Variants in TAFA2 observed in about 807,000 individuals in gnomAD.
The protein encoded by TAFA2 is chemokine-like protein TAFA-2.
TAFA2 carries 7 observed loss-of-function variants against 18.8 expected under a neutral mutation model. That is an observed-to-expected ratio of 0.37 (90% CI 0.21 to 0.70). TAFA2 has a LOEUF of 0.70. Ranked by LOEUF, TAFA2 falls within the 30% of genes least tolerant of loss-of-function variation. TAFA2 has a pLI of 0.53. For missense variants in TAFA2, 122 were observed against 158.1 expected (o/e 0.77, Z 1.23); for synonymous variants, 60 against 54.2 (o/e 1.11, Z -0.47).
chr12:61,884,982 C>G (rs1260718716), intron 1 of TAFA2, among the ~76,000 whole-genome samples: 2 of 152,146 alleles, frequency 1.3e-5, no homozygotes, highest in African/African-American at 4.8e-5. Flanking sequence ...ACAATACTTG[C>G]TAAATAAACT....
chr12:62,197,212 G>A (rs116181779), upstream of TAFA2, among the ~76,000 whole-genome samples: 1,509 of 152,286 alleles, frequency 9.9e-3, 29 homozygotes, highest in African/African-American at 0.034. Context: ...CCATGAAACC[G>A]GTCCCTGGTG....
intron 1 of TAFA2, among the ~76,000 whole-genome samples, chr12:62,072,672 G>A (rs1425154823): frequency 3.9e-5 from 6 of 152,052 alleles, no homozygotes; most frequent in Non-Finnish European, 8.8e-5. Flanking sequence ...GTCCCAGCCA[G>A]CTACTTGGGA....
intron 1 of TAFA2, among the ~76,000 whole-genome samples, chr12:62,156,249 C>T (rs958320594): frequency 1.3e-5 from 2 of 152,110 alleles, no homozygotes; most frequent in African/African-American, 2.4e-5. Context: ...AATGCGATAC[C>T]ACCTTACTCC....
chr12:62,176,478 G>T (rs1208878928), intron 1 of TAFA2, among the ~76,000 whole-genome samples: 2 of 151,986 alleles, frequency 1.3e-5, no homozygotes, highest in Non-Finnish European at 2.9e-5. Context: ...AAATGTAATC[G>T]TACATTTTGG....
chr12:62,132,845 T>G (rs1214190224), intron 1 of TAFA2, among the ~76,000 whole-genome samples: 2 of 151,968 alleles, frequency 1.3e-5, no homozygotes, highest in African/African-American at 4.8e-5. Flanking sequence ...CATAGCTACA[T>G]TTCTGGAAAA....
At chr12:61,777,458 T>A (rs1024896345) in intron 2 of TAFA2, among the ~76,000 whole-genome samples, 1 of 151,884 alleles carries the variant, frequency 6.6e-6, no homozygotes, top group Non-Finnish European at 1.5e-5. Flanking sequence ...TATCCTATTA[T>A]CCTTGTGAAA....
At chr12:62,212,084 T>A (rs2062716289) in intron 1 of TAFA2, among the ~76,000 whole-genome samples, 1 of 152,194 alleles carries the variant, frequency 6.6e-6, no homozygotes, top group Non-Finnish European at 1.5e-5. Flanking sequence ...CAATAAATAT[T>A]GTTAAAGGTA....
At chr12:61,991,512 A>G (rs1197279807) in intron 1 of TAFA2, among the ~76,000 whole-genome samples, 1 of 152,224 alleles carries the variant, frequency 6.6e-6, no homozygotes, top group Admixed American at 6.5e-5. Context: ...TTAAATCGCT[A>G]TATTTTCATA....
rs184385613 is a variant in TAFA2 at position 61,927,199 on chromosome 12, A to G, written c.-1-59773T>C. Among the ~76,000 whole-genome samples, 54 of 152,290 alleles carry G rather than the reference A, an allele frequency of 3.5e-4. 2 individuals carry two copies. Among genetic ancestry groups the G allele is most frequent in the African/African-American group, 1.2e-3 (50 of 41,554 alleles). On this transcript the variant is annotated intron_variant, in intron 1 of 4. Transcript: ENST00000416284. Reference sequence around the variant, plus strand: ...CAACAGAAAGAAATAAAGCGTATTCAAATAGGAAGAGAGGAAGTCAAATAG... The same window carrying G: ...CAACAGAAAGAAATAAAGCGTATTCGAATAGGAAGAGAGGAAGTCAAATAG...
intron 1 of TAFA2, among the ~76,000 whole-genome samples, chr12:62,014,019 T>TA (rs1880849585): frequency 1.3e-5 from 2 of 152,348 alleles, no homozygotes; most frequent in South Asian, 4.1e-4. Context: ...AAATACTTGA[T>TA]ATCTGACTGT....
intron 1 of TAFA2, among the ~76,000 whole-genome samples, chr12:62,111,589 T>C (rs1026762127): frequency 6.6e-6 from 1 of 152,230 alleles, no homozygotes; most frequent in Non-Finnish European, 1.5e-5. Context: ...CAGTGTGGTA[T>C]TAAAATCTCC....
intron 1 of TAFA2, among the ~76,000 whole-genome samples, chr12:62,111,210 G>T (rs1300174782): frequency 6.6e-6 from 1 of 152,128 alleles, no homozygotes; most frequent in Non-Finnish European, 1.5e-5. Context: ...TGGTTTCAAA[G>T]AACTTATTTA....
At chr12:62,054,741 G>A (rs765650978) in intron 1 of TAFA2, among the ~76,000 whole-genome samples, 8 of 152,012 alleles carry the variant, frequency 5.3e-5, no homozygotes, top group African/African-American at 7.2e-5. Flanking sequence ...AATATATAAC[G>A]CTTGGGTACA....
intron 1 of TAFA2, among the ~76,000 whole-genome samples, chr12:62,169,829 C>T (rs1343022875): frequency 3.9e-5 from 5 of 129,086 alleles, no homozygotes; most frequent in Non-Finnish European, 4.7e-5. Context: ...CCAGACTGGG[C>T]GACAGGGCGA....
At chr12:61,792,428 T>G (rs1252706993) in intron 2 of TAFA2, among the ~76,000 whole-genome samples, 2 of 151,614 alleles carry the variant, frequency 1.3e-5, no homozygotes, top group Admixed American at 1.3e-4. Flanking sequence ...GATAAATGTT[T>G]GAGGTGACAG....
chr12:62,066,787 A>G (rs555796195), intron 1 of TAFA2, among the ~76,000 whole-genome samples: 7 of 152,056 alleles, frequency 4.6e-5, no homozygotes, highest in Non-Finnish European at 8.8e-5. Flanking sequence ...GAATGCAGAT[A>G]TATTTTCAAC....
intron 1 of TAFA2, among the ~76,000 whole-genome samples, chr12:62,217,767 G>A (rs2062741765): frequency 6.6e-6 from 1 of 152,028 alleles, no homozygotes; most frequent in African/African-American, 2.4e-5. Flanking sequence ...CACAGATATC[G>A]ATCCCAAGGA....
At chr12:62,049,921 A>G (rs1882007328) in intron 1 of TAFA2, among the ~76,000 whole-genome samples, 1 of 152,206 alleles carries the variant, frequency 6.6e-6, no homozygotes, top group African/African-American at 2.4e-5. Flanking sequence ...ATTGTCTATA[A>G]AAGAAAGTGG....
At chr12:61,851,084 C>T (rs894357119) in intron 2 of TAFA2, among the ~76,000 whole-genome samples, 3 of 152,098 alleles carry the variant, frequency 2.0e-5, no homozygotes, top group Admixed American at 2.0e-4. Context: ...AGATGTTGAA[C>T]ATGAAAGACA....
Sources: allele counts gnomAD v4.1 joint callset (sites outside exome capture counted in the v4.1 genomes callset), GRCh38; gene constraint gnomAD v4.1.1; transcripts MANE v1.5; gene names NCBI Gene and HGNC (gene_info 2026-07-23, HGNC 2026-07-21).